Variants in UNC13C observed in about 807,000 individuals in gnomAD.
UNC13C encodes unc-13 homolog C.
A neutral mutation model predicts 245.4 loss-of-function variants in UNC13C; 174 were observed. The observed-to-expected ratio is 0.71, with a 90% CI of 0.63 to 0.80. The LOEUF is 0.80. UNC13C is among the 30% of genes least tolerant of loss of function. The pLI, the probability that UNC13C is intolerant of heterozygous loss-of-function variation, is 0.00. For missense variants in UNC13C, 2,829 were observed against 2,602.9 expected, an observed-to-expected ratio of 1.09 and a Z score of -1.89; for synonymous variants, 992 against 895.1, an observed-to-expected ratio of 1.11 and a Z score of -1.93.
At chr15:54,432,918 C>T (rs2040901535) in intron 19 of UNC13C, among the ~76,000 whole-genome samples, 1 of 151,924 alleles carries the variant, frequency 6.6e-6, no homozygotes, top group Non-Finnish European at 1.5e-5. Context: ...GGGATATCAC[C>T]ACTGATCCCA....
chr15:54,134,579 G>A (rs554111671), intron 2 of UNC13C, among the ~76,000 whole-genome samples: 52 of 152,162 alleles, frequency 3.4e-4, no homozygotes, highest in Non-Finnish European at 6.0e-4. Flanking sequence ...GAGTGCAGTG[G>A]CGCGATCTCA....
At chr15:53,922,764 T>C in the UNC13C span, among the ~76,000 whole-genome samples, 1 of 152,198 alleles carries the variant, frequency 6.6e-6, no homozygotes, top group African/African-American at 2.4e-5. Context: ...CAGAAACTTT[T>C]ATTTGCAGTA....
chr15:53,934,795 C>T, the UNC13C span, among the ~76,000 whole-genome samples: 8,096 of 152,182 alleles, frequency 0.053, 420 homozygotes, highest in African/African-American at 0.13. Flanking sequence ...TCTGTCTCCT[C>T]ACTGTGTCTG....
intron 4 of UNC13C, among the ~76,000 whole-genome samples, chr15:54,156,333 A>C (rs2032743892): frequency 6.6e-6 from 1 of 152,176 alleles, no homozygotes; most frequent in South Asian, 2.1e-4. Context: ...CTTAGACTCT[A>C]AGGTGCCAGG....
In UNC13C at chr15:54,586,300, T is replaced by G. The variant is rs570350086; in HGVS notation, c.6106+18353T>G. On this transcript the variant is annotated intron_variant, in intron 30 of 32. Transcript: ENST00000260323. ...GGCTTCTTAACAAAATACTACAGAT[T>G]GGGTAACTTAAACAAGAGATATTTA... Among the ~76,000 whole-genome samples the G allele has an allele frequency of 2.6e-5, 4 of 152,322 alleles. No individual in the cohort carries two copies. The East Asian group carries it at 7.7e-4, about 29-fold the overall frequency.
At chr15:54,295,008 A>G (rs2037392269) in intron 11 of UNC13C, among the ~76,000 whole-genome samples, 1 of 152,224 alleles carries the variant, frequency 6.6e-6, no homozygotes, top group Non-Finnish European at 1.5e-5. Context: ...CTGAACACAG[A>G]TGATTCAAGT....
intron 30 of UNC13C, among the ~76,000 whole-genome samples, chr15:54,577,215 C>A (rs1413248301): frequency 6.6e-6 from 1 of 150,430 alleles, no homozygotes; most frequent in African/African-American, 2.4e-5. Context: ...TTTTTTTTGG[C>A]AAACTCTTGA....
At chr15:53,954,830 T>C in the UNC13C span, among the ~76,000 whole-genome samples, 17 of 152,306 alleles carry the variant, frequency 1.1e-4, no homozygotes, top group Admixed American at 5.2e-4. Flanking sequence ...ACGGTTAAGT[T>C]TGTGCTTCAA....
chr15:54,373,052 T>A (rs2039526218), intron 17 of UNC13C, among the ~76,000 whole-genome samples: 1 of 152,136 alleles, frequency 6.6e-6, no homozygotes, highest in African/African-American at 2.4e-5. Context: ...AGAACTGGGA[T>A]AGGCTGTCAA....
intron 30 of UNC13C, among the ~76,000 whole-genome samples, chr15:54,585,691 T>C (rs539027488): frequency 6.6e-6 from 1 of 152,212 alleles, no homozygotes; most frequent in East Asian, 1.9e-4. Context: ...AAGAACACAG[T>C]TTTATTGAGT....
chr15:54,462,493 T>C (rs542936677), intron 19 of UNC13C, among the ~76,000 whole-genome samples: 1 of 152,110 alleles, frequency 6.6e-6, no homozygotes, highest in South Asian at 2.1e-4. Context: ...CGCACTGCAC[T>C]CGCGGGCCAG....
At chr15:53,980,819 T>C (rs924789256) in intron 1 of UNC13C, among the ~76,000 whole-genome samples, 1 of 152,204 alleles carries the variant, frequency 6.6e-6, no homozygotes, top group Non-Finnish European at 1.5e-5. Flanking sequence ...ATGGGCTTAT[T>C]GTTAATAAAG....
chr15:54,476,425 G>A (rs1275720106), intron 19 of UNC13C, among the ~76,000 whole-genome samples: 2 of 151,112 alleles, frequency 1.3e-5, no homozygotes, highest in Admixed American at 1.3e-4. Flanking sequence ...TTTCTTCTAG[G>A]GTTTTTATGG....
rs927683210 is a variant in UNC13C, at chr15:54,226,763, G to C, written c.3072-8267G>C. ...CATGTTGGCTCTGTGAGAAGGTGCA[G>C]CTGGACCAGATGTACTCCATGTGGC... On this transcript the variant is annotated intron_variant, in intron 4 of 32. Coordinates refer to ENST00000260323, the MANE Select transcript of UNC13C (RefSeq NM_001080534.3). 1.3e-5 allele frequency among the ~76,000 whole-genome samples: 2 copies of C among 152,206 alleles called. 1 individual carries two copies. The highest frequency in any genetic ancestry group is 1.3e-4 in the Admixed American group (2 of 15,286).
At chr15:54,417,648 G>A (rs905120155) in intron 19 of UNC13C, among the ~76,000 whole-genome samples, 8 of 151,996 alleles carry the variant, frequency 5.3e-5, no homozygotes, top group African/African-American at 1.9e-4. Context: ...ATGCTTTTTA[G>A]TAGAATAGAT....
At chr15:54,472,250 T>C (rs533509108) in intron 19 of UNC13C, among the ~76,000 whole-genome samples, 2 of 151,884 alleles carry the variant, frequency 1.3e-5, no homozygotes, top group South Asian at 4.1e-4. Flanking sequence ...TTTTATTTCC[T>C]CTTCTCCTTG....
chr15:54,149,746 G>T (rs545559866), intron 4 of UNC13C, among the ~76,000 whole-genome samples: 1 of 152,156 alleles, frequency 6.6e-6, no homozygotes, highest in South Asian at 2.1e-4. Context: ...TGTATCTGTG[G>T]GTTCTACATC....
intron 2 of UNC13C, among the ~76,000 whole-genome samples, chr15:54,086,152 A>C (rs557218442): frequency 6.6e-6 from 1 of 152,284 alleles, no homozygotes; most frequent in Admixed American, 6.5e-5. Flanking sequence ...AGTGCTGCAG[A>C]ACATCAGACA....
intron 10 of UNC13C, among the ~76,000 whole-genome samples, chr15:54,274,965 C>T (rs572188924): frequency 4.9e-4 from 74 of 151,912 alleles, no homozygotes; most frequent in Admixed American, 1.7e-3. Context: ...CCACCACGCG[C>T]GGCCTAAGTA....
Sources: allele counts gnomAD v4.1 joint callset (sites outside exome capture counted in the v4.1 genomes callset), GRCh38; gene constraint gnomAD v4.1.1; transcripts MANE v1.5; gene names NCBI Gene and HGNC (gene_info 2026-07-23, HGNC 2026-07-21).